Variants in HECW1 observed in about 807,000 individuals in gnomAD.
The protein encoded by HECW1 is HECT, C2 and WW domain containing E3 ubiquitin protein ligase 1, also known as E3 ubiquitin-protein ligase HECW1.
In HECW1, 61 loss-of-function variants were observed where a neutral mutation model predicts 182.3. That is an observed-to-expected ratio of 0.33 (90% CI 0.27 to 0.41). The LOEUF (loss-of-function observed/expected upper bound fraction) is 0.41. Among genes scored for constraint, HECW1 ranks in the 10% least tolerant of loss-of-function variants. HECW1 has a pLI of 1.00. For missense variants in HECW1, 1,739 were observed against 2,108.9 expected (o/e 0.82, Z 3.44); for synonymous variants, 859 against 832.6 (o/e 1.03, Z -0.55).
At chr7:43,193,774 G>A (rs571911886) in intron 2 of HECW1, among the ~76,000 whole-genome samples, 353 of 149,554 alleles carry the variant, frequency 2.4e-3, no homozygotes, top group African/African-American at 8.3e-3. Context: ...ACAACTGCCT[G>A]ACCTTTTGCC....
chr7:43,366,885 C>G (rs939413486), intron 6 of HECW1, among the ~76,000 whole-genome samples: 4 of 152,142 alleles, frequency 2.6e-5, no homozygotes, highest in Non-Finnish European at 5.9e-5. Context: ...GGACCCACCC[C>G]CTGAGATCCC....
intron 6 of HECW1, among the ~76,000 whole-genome samples, chr7:43,361,821 T>C (rs1400037217): frequency 6.8e-6 from 1 of 146,868 alleles, no homozygotes; most frequent in African/African-American, 2.5e-5. Flanking sequence ...CTCTCTTTTT[T>C]TTTTTTTTTT....
chr7:43,244,231 C>A (rs1279244885), intron 3 of HECW1, among the ~76,000 whole-genome samples: 2 of 152,230 alleles, frequency 1.3e-5, no homozygotes. Flanking sequence ...TATGATGCTA[C>A]TTCCAGAATT....
intron 5 of HECW1, among the ~76,000 whole-genome samples, chr7:43,339,311 T>C (rs1812668422): frequency 6.6e-6 from 1 of 152,182 alleles, no homozygotes; most frequent in Non-Finnish European, 1.5e-5. Context: ...TTCTTTCCTC[T>C]ACCTTCTTTC....
At chr7:43,371,320 G>C (rs1158976619) in intron 6 of HECW1, among the ~76,000 whole-genome samples, 2 of 152,122 alleles carry the variant, frequency 1.3e-5, no homozygotes, top group Admixed American at 1.3e-4. Flanking sequence ...GATGTGCCAG[G>C]GTAGGCTCAT....
At chr7:43,240,374 T>C (rs1798773662) in intron 2 of HECW1, among the ~76,000 whole-genome samples, 1 of 152,202 alleles carries the variant, frequency 6.6e-6, no homozygotes, top group Non-Finnish European at 1.5e-5. Flanking sequence ...TGTCATCTTT[T>C]ATATTGCTAG....
chr7:43,552,362 G>A (rs375623447), intron 28 of HECW1, 26 bp downstream of exon 28: 3 of 1,273,928 alleles, frequency 2.4e-6, no homozygotes. Flanking sequence ...CTGTAATGAT[G>A]CAATGATCAC....
chr7:43,154,320 A>G (rs1290601753), intron 2 of HECW1, among the ~76,000 whole-genome samples: 1 of 152,220 alleles, frequency 6.6e-6, no homozygotes, highest in Non-Finnish European at 1.5e-5. Context: ...TAGTAGGTAC[A>G]AGTTTGATAT....
At chr7:43,508,291 G>A (rs560105364) in intron 23 of HECW1, among the ~76,000 whole-genome samples, 160 bp downstream of exon 23, 6 of 152,128 alleles carry the variant, frequency 3.9e-5, no homozygotes, top group Admixed American at 2.0e-4. Flanking sequence ...TTCAGGTATT[G>A]CCAAGCTTTA....
chr7:43,180,835 C>A (rs1792781325), intron 2 of HECW1, among the ~76,000 whole-genome samples: 1 of 152,194 alleles, frequency 6.6e-6, no homozygotes, highest in African/African-American at 2.4e-5. Context: ...TATATAATTT[C>A]TTTGTAGCAA....
intron 2 of HECW1, among the ~76,000 whole-genome samples, chr7:43,155,978 A>T (rs887892965): frequency 6.6e-6 from 1 of 152,234 alleles, no homozygotes; most frequent in Non-Finnish European, 1.5e-5. Flanking sequence ...TTGTTCGTTT[A>T]AAACAGTAAA....
chr7:43,472,124 G>C (rs192636471), intron 16 of HECW1, among the ~76,000 whole-genome samples: 5 of 152,222 alleles, frequency 3.3e-5, no homozygotes. Context: ...GGATAAAACA[G>C]AGCAGCACTG....
At chr7:43,234,699 CAT>C (rs1033542452) in intron 2 of HECW1, among the ~76,000 whole-genome samples, 1 of 152,140 alleles carries the variant, frequency 6.6e-6, no homozygotes, top group African/African-American at 2.4e-5. Context: ...TGATCTCTAA[CAT>C]GTGCAGTTTA....
intron 19 of HECW1, among the ~76,000 whole-genome samples, chr7:43,500,103 CTTTT>C (rs34962349): frequency 7.1e-6 from 1 of 141,796 alleles, no homozygotes; most frequent in Non-Finnish European, 1.5e-5. Context: ...CAAGAACAGT[CTTTT>C]TTTTTTTTTT....
At chr7:43,375,996 T>C (rs147662215) in intron 6 of HECW1, among the ~76,000 whole-genome samples, 3 of 149,954 alleles carry the variant, frequency 2.0e-5, no homozygotes, top group African/African-American at 7.3e-5. Flanking sequence ...TTGAGGTGCA[T>C]ATATATAATC....
chr7:43,361,016 C>T (rs768784411), intron 6 of HECW1, 36 bp downstream of exon 6: 3 of 1,428,750 alleles, frequency 2.1e-6, no homozygotes, highest in Non-Finnish European at 2.9e-6. Flanking sequence ...TTAGACCTAA[C>T]TCTGGTCTTT....
At chr7:43,319,601 C>CTTTTTTTTTTTTTTTTTTT (rs796502195) in intron 4 of HECW1, among the ~76,000 whole-genome samples, 30 of 47,456 alleles carry the variant, frequency 6.3e-4, no homozygotes, top group African/African-American at 2.8e-3. Context: ...CTTTTCTTTT[C>CTTTTTTTTTTTTTTTTTTT]TTTTTTTTTT....
chr7:43,514,337 C>T (rs541640689), intron 24 of HECW1, among the ~76,000 whole-genome samples: 7 of 143,588 alleles, frequency 4.9e-5, no homozygotes, highest in Middle Eastern at 3.8e-3. Context: ...TCGCTCTTGT[C>T]CCCCAGGCTG....
At chr7:43,343,903 T>A (rs1459769329) in intron 5 of HECW1, among the ~76,000 whole-genome samples, 1 of 151,778 alleles carries the variant, frequency 6.6e-6, no homozygotes, top group Non-Finnish European at 1.5e-5. Context: ...TTTCTCCACA[T>A]CCTCTCCAGC....
Sources: allele counts gnomAD v4.1 joint callset (sites outside exome capture counted in the v4.1 genomes callset), GRCh38; gene constraint gnomAD v4.1.1; transcripts MANE v1.5; gene names NCBI Gene and HGNC (gene_info 2026-07-23, HGNC 2026-07-21).